Variants in ANO4 observed in about 807,000 individuals in gnomAD.
ANO4 encodes anoctamin 4.
ANO4 carries 69 observed loss-of-function variants against 141.9 expected under a neutral mutation model. The observed-to-expected ratio is 0.49, with a 90% CI of 0.40 to 0.59. ANO4 has a LOEUF of 0.59. Ranked by LOEUF, ANO4 falls within the 20% of genes least tolerant of loss-of-function variation. ANO4 has a pLI of 0.00. For synonymous variants in ANO4, 350 were observed against 394.3 expected (o/e 0.89, Z 1.33); for missense variants, 894 against 1,162.2 (o/e 0.77, Z 3.36).
At chr12:100,745,718 A>G (rs1042027865) in intron 3 of ANO4, among the ~76,000 whole-genome samples, 1 of 152,224 alleles carries the variant, frequency 6.6e-6, no homozygotes, top group South Asian at 2.1e-4. Flanking sequence ...GCTTTAAGAT[A>G]ATAGAATGTA....
chr12:101,079,758 G>T (rs1308184537), intron 15 of ANO4, among the ~76,000 whole-genome samples: 1 of 152,152 alleles, frequency 6.6e-6, no homozygotes, highest in Admixed American at 6.5e-5. Context: ...CCACTCTGAA[G>T]CGGCCACCTT....
intron 16 of ANO4, among the ~76,000 whole-genome samples, chr12:101,085,378 TA>T (rs553299686): frequency 6.6e-6 from 1 of 152,078 alleles, no homozygotes; most frequent in Non-Finnish European, 1.5e-5. Flanking sequence ...AAATTTTTTT[TA>T]AAAAAAGGTT....
At chr12:101,020,951 C>T (rs541607718) in intron 9 of ANO4, among the ~76,000 whole-genome samples, 1 of 152,208 alleles carries the variant, frequency 6.6e-6, no homozygotes, top group East Asian at 1.9e-4. Flanking sequence ...GTAAATTGAA[C>T]AGAGAAAGTT....
At chr12:100,785,149 C>T (rs993948087) in intron 3 of ANO4, among the ~76,000 whole-genome samples, 3 of 152,138 alleles carry the variant, frequency 2.0e-5, no homozygotes, top group Non-Finnish European at 4.4e-5. Context: ...TTCCCACACA[C>T]CCTCTGCCTC....
rs998435026 is a variant in ANO4, at chr12:100,971,336, G to A, written c.487G>A (p.Val163Met). Residue 163 changes from valine (V) to methionine (M), a missense_variant, in exon 6 of 28, where the codon GTG (valine) becomes ATG (methionine). Val to Met is a conservative substitution (Grantham distance 21, BLOSUM62 1). This residue lies in a region of ANO4 where 257 missense variants were observed against 253.0 expected (regional missense o/e 1.02). Coordinates refer to ENST00000392977, the MANE Select transcript of ANO4 (RefSeq NM_001286615.2). ...SSLINSDIIF[V>M]KLHAPWEVLG... ...TCTAATAAATAGTGACATTATCTTT[G>A]TGAAGTTGCATGCCCCATGGGAAGT... 26 of 1,610,858 alleles carry A rather than the reference G, an allele frequency of 1.6e-5. No homozygotes were observed. Among genetic ancestry groups the A allele is most frequent in the Non-Finnish European group, 1.9e-5 (22 of 1,177,766 alleles).
intron 26 of ANO4, among the ~76,000 whole-genome samples, chr12:101,122,787 C>T (rs2051147470): frequency 6.6e-6 from 1 of 152,040 alleles, no homozygotes; most frequent in Non-Finnish European, 1.5e-5. Context: ...TCAGGATTTC[C>T]CAACATGATC....
rs529027070 is a variant in ANO4, at chr12:100,979,725, CTTTT to C, written c.602+4837_602+4840del. Among the ~76,000 whole-genome samples, 307 of 151,898 alleles carry C rather than the reference CTTTT, an allele frequency of 2.0e-3. 1 individual carries two copies. Among genetic ancestry groups the C allele is most frequent in the Non-Finnish European group, 3.7e-3 (252 of 67,956 alleles). ...GAGCTTGAGAAATAAACTCTTCTTT[CTTTT>C]ATTTATTTTTTTTTTTGAGATGGAG... On this transcript the variant is annotated intron_variant, in intron 7 of 27. Coordinates refer to ENST00000392977, the MANE Select transcript of ANO4 (RefSeq NM_001286615.2).
At chr12:100,970,379 C>T (rs745962622) in intron 5 of ANO4, among the ~76,000 whole-genome samples, 2 of 152,128 alleles carry the variant, frequency 1.3e-5, no homozygotes, top group Non-Finnish European at 2.9e-5. Context: ...CCTTAGTACG[C>T]CTTAGCCCTT....
At chr12:101,039,821 T>C in intron 10 of ANO4, 134 bp from the exon 11 acceptor site, 1 of 992,272 alleles carries the variant, frequency 1.0e-6, no homozygotes, top group Non-Finnish European at 1.5e-6. Context: ...TGCCTGCCCT[T>C]TAATAGAGAG....
intron 5 of ANO4, among the ~76,000 whole-genome samples, chr12:100,951,009 A>C (rs988958573): frequency 3.3e-5 from 5 of 152,188 alleles, no homozygotes; most frequent in Admixed American, 3.3e-4. Context: ...TATTTCTCAA[A>C]GGTAAAGATT....
intron 2 of ANO4, among the ~76,000 whole-genome samples, chr12:100,736,815 C>G (rs1406562007): frequency 6.6e-6 from 1 of 152,038 alleles, no homozygotes; most frequent in Non-Finnish European, 1.5e-5. Flanking sequence ...TGATGCATCT[C>G]CAAGCCAAGG....
chr12:101,020,719 G>A (rs2046490950), intron 9 of ANO4, among the ~76,000 whole-genome samples: 1 of 152,166 alleles, frequency 6.6e-6, no homozygotes. Context: ...AACTTCTCCA[G>A]TCATCTCCTC....
At chr12:100,919,736 G>GTCTGTCTATC (rs2041535474) in intron 2 of ANO4, among the ~76,000 whole-genome samples, 7 of 133,056 alleles carry the variant, frequency 5.3e-5, no homozygotes, top group Non-Finnish European at 9.6e-5. Context: ...GTGTATGTAT[G>GTCTGTCTATC]TATCTATCTA....
chr12:101,002,909 A>G (rs1291056801), intron 8 of ANO4, among the ~76,000 whole-genome samples: 1 of 152,138 alleles, frequency 6.6e-6, no homozygotes, highest in Non-Finnish European at 1.5e-5. Context: ...CTCCTTCCTT[A>G]GTCAAAGGTC....
At chr12:100,894,108 G>C (rs1390877490) in intron 1 of ANO4, among the ~76,000 whole-genome samples, 1 of 152,120 alleles carries the variant, frequency 6.6e-6, no homozygotes. Context: ...CAGTTAACGT[G>C]GCTTTAGACA....
intron 3 of ANO4, among the ~76,000 whole-genome samples, chr12:100,926,614 G>T (rs757537351): frequency 1.3e-5 from 2 of 152,006 alleles, no homozygotes; most frequent in South Asian, 4.2e-4. Context: ...GTGTGTGTGT[G>T]TGTGTGTGTG....
chr12:100,849,124 C>T (rs1338720927), intron 1 of ANO4, among the ~76,000 whole-genome samples: 1 of 152,124 alleles, frequency 6.6e-6, no homozygotes, highest in Admixed American at 6.6e-5. Context: ...ATAAAAGAAT[C>T]CTGTCCTTTG....
intron 9 of ANO4, among the ~76,000 whole-genome samples, 182 bp from the exon 10 acceptor site, chr12:101,036,913 G>A (rs1384132617): frequency 6.6e-6 from 1 of 152,164 alleles, no homozygotes; most frequent in East Asian, 1.9e-4. Context: ...TTTTTTTAGT[G>A]AATTTCCCAG....
chr12:100,963,647 G>A (rs1013237341), intron 5 of ANO4, among the ~76,000 whole-genome samples: 10 of 152,076 alleles, frequency 6.6e-5, no homozygotes, highest in East Asian at 1.9e-4. Context: ...TTAGAGACAC[G>A]TGCCCTCATT....
Sources: allele counts gnomAD v4.1 joint callset (sites outside exome capture counted in the v4.1 genomes callset), GRCh38; gene constraint gnomAD v4.1.1; regional missense constraint gnomAD v4.1.1; transcripts MANE v1.5; gene names NCBI Gene and HGNC (gene_info 2026-07-23, HGNC 2026-07-21).